DUSP29: variants seen among roughly 807,000 people sequenced by gnomAD.
DUSP29 encodes atypical dual-specific protein phosphatase.
Under a neutral mutation model 13.5 loss-of-function variants are expected in DUSP29, and 12 were observed. The ratio of observed to expected loss-of-function variants is 0.89; its 90% CI spans 0.57 to 1.44. DUSP29 has a LOEUF of 1.44. Ranked by LOEUF, DUSP29 falls within the 40% of genes most tolerant of loss-of-function variation. DUSP29 has a pLI of 0.00. For missense variants in DUSP29, 308 were observed against 301.1 expected, an observed-to-expected ratio of 1.02 and a Z score of -0.17; for synonymous variants, 134 against 128.7, an observed-to-expected ratio of 1.04 and a Z score of -0.28.
At chr10:75,039,566 T>C (rs1846542576) in intron 3 of DUSP29, among the ~76,000 whole-genome samples, 2 of 152,110 alleles carry the variant, frequency 1.3e-5, no homozygotes, top group South Asian at 4.1e-4. Flanking sequence ...AATTGCATGC[T>C]TTTAGGAGTG....
At chr10:75,070,133 GGAAGGAA>G (rs1847300057) in intron 1 of DUSP29, among the ~76,000 whole-genome samples, 1 of 96,784 alleles carries the variant, frequency 1.0e-5, no homozygotes, top group African/African-American at 4.0e-5. Flanking sequence ...AAGGAAGGAA[GGAAGGAA>G]AAGAAAGAAA....
At chr10:75,068,114 T>G (rs1847242534) in intron 1 of DUSP29, among the ~76,000 whole-genome samples, 1 of 152,170 alleles carries the variant, frequency 6.6e-6, no homozygotes, top group African/African-American at 2.4e-5. Context: ...CACCTAGCCT[T>G]CTGCAAGAAA....
rs139591121 is a variant in DUSP29 at position 75,045,732 on chromosome 10, C to T, written c.201-1715G>A. ...GGGCTGGAGCATGGTGGGCCCTGCC[C>T]GCCATAGGAAGGAGTATTATTGCAA... On this transcript the variant is annotated intron_variant, in intron 2 of 3. Coordinates refer to ENST00000338487, the MANE Select transcript of DUSP29 (RefSeq NM_001003892.3). Among the ~76,000 whole-genome samples the T allele has an allele frequency of 7.9e-5, 12 of 152,302 alleles. 1 individual carries two copies. The East Asian group carries it at 2.3e-3, about 29-fold the overall frequency.
intron 2 of DUSP29, among the ~76,000 whole-genome samples, chr10:75,045,194 T>A (rs917798019): frequency 2.0e-5 from 3 of 152,082 alleles, no homozygotes; most frequent in African/African-American, 7.2e-5. Flanking sequence ...CTGTCTCTAC[T>A]AATAATACAA....
At chr10:75,055,980 G>T (rs866520311) in intron 2 of DUSP29, among the ~76,000 whole-genome samples, 7 of 152,066 alleles carry the variant, frequency 4.6e-5, no homozygotes, top group Admixed American at 1.3e-4. Flanking sequence ...CACAATCTTG[G>T]CTCACTGCAG....
intron 3 of DUSP29, 45 bp downstream of exon 3, chr10:75,043,752 C>A (rs1041930267): frequency 8.6e-7 from 1 of 1,166,890 alleles, no homozygotes; most frequent in African/African-American, 3.7e-5. Context: ...CGAGTCGGGG[C>A]GGGGCGGGGC....
At chr10:75,039,237 T>A (rs1589854896) in intron 3 of DUSP29, among the ~76,000 whole-genome samples, 1 of 152,178 alleles carries the variant, frequency 6.6e-6, no homozygotes, top group African/African-American at 2.4e-5. Flanking sequence ...CCACAGTTCA[T>A]CTTTAGGAAC....
intron 3 of DUSP29, among the ~76,000 whole-genome samples, chr10:75,038,340 G>A (rs1475680767): frequency 6.6e-6 from 1 of 152,136 alleles, no homozygotes; most frequent in South Asian, 2.1e-4. Context: ...CTACAGTGTG[G>A]CTGGGCTGCC....
At chr10:75,064,462 C>A (rs1183853008) in intron 1 of DUSP29, among the ~76,000 whole-genome samples, 1 of 152,146 alleles carries the variant, frequency 6.6e-6, no homozygotes, top group Admixed American at 6.5e-5. Context: ...GAACCGAGAT[C>A]GCGCCACTGC....
chr10:75,063,781 C>A (rs1045835526), intron 1 of DUSP29, among the ~76,000 whole-genome samples: 7 of 151,974 alleles, frequency 4.6e-5, no homozygotes, highest in Admixed American at 2.6e-4. Context: ...CAAGGTACAG[C>A]TAATTTAAAA....
At chr10:75,065,401 G>C (rs1233551608) in intron 1 of DUSP29, among the ~76,000 whole-genome samples, 1 of 151,428 alleles carries the variant, frequency 6.6e-6, no homozygotes, top group Non-Finnish European at 1.5e-5. Flanking sequence ...GTCTTGCTCT[G>C]TCACCCAGGC....
Position 75,037,917 on chromosome 10 carries a change from CCGGAGCTG to C in DUSP29, c.574_581del (p.Gln192GlyfsTer19). On this transcript the variant is annotated frameshift_variant, in exon 4 of 4. Coordinates refer to ENST00000338487, the MANE Select transcript of DUSP29 (RefSeq NM_001003892.3). LOFTEE classifies it low-confidence loss of function (END_TRUNC). Reference sequence around the variant, plus strand: ...GCTGCACCAGCTGCTTGTCCAGCTCCCGGAGCTGCTTCAAAAAGCCCCGGTTCGGGAGG... The same window carrying C: ...GCTGCACCAGCTGCTTGTCCAGCTCCCTTCAAAAAGCCCCGGTTCGGGAGG... 1 of 1,613,846 alleles carries C rather than the reference CCGGAGCTG, an allele frequency of 6.2e-7. No homozygotes were observed. The highest frequency in any genetic ancestry group is 8.5e-7 in the Non-Finnish European group (1 of 1,180,032).
intron 1 of DUSP29, among the ~76,000 whole-genome samples, chr10:75,058,798 A>G (rs889511364): frequency 6.6e-6 from 1 of 152,190 alleles, no homozygotes; most frequent in Admixed American, 6.5e-5. Context: ...ACGTGGGCCA[A>G]GGCGGGCTCT....
At chr10:75,067,511 C>T (rs903950608) in intron 1 of DUSP29, among the ~76,000 whole-genome samples, 17 of 152,096 alleles carry the variant, frequency 1.1e-4, no homozygotes, top group Admixed American at 1.3e-4. Context: ...TGGCGGGTCA[C>T]GAGAAGGAAT....
Position 75,055,410 on chromosome 10 carries a change from C to T in DUSP29, c.200+2905G>A, listed in dbSNP as rs574793821. On this transcript the variant is annotated intron_variant, in intron 2 of 3. Transcript: ENST00000338487. Reference sequence around the variant, plus strand: ...CGTGCAAATATCACACAGAGATTGGCAATAAAAAGGAATCAAATACTGATA... The same window carrying T: ...CGTGCAAATATCACACAGAGATTGGTAATAAAAAGGAATCAAATACTGATA... Among the ~76,000 whole-genome samples, 8 of 151,994 alleles carry T rather than the reference C, an allele frequency of 5.3e-5. No individual in the cohort carries two copies. In the South Asian group the frequency reaches 1.7e-3, roughly 32 times the overall value.
In DUSP29 at chr10:75,037,885, C is replaced by A. The variant is rs757469214; in HGVS notation, c.614G>T (p.Arg205Leu). ...ELDKQLVQQR[R>L]RSQRQDGEEE... ...CTCACCGTCCTGGCGCTGGGACCGT[C>A]GCCTCTGCTGCACCAGCTGCTTGTC... The change falls in exon 4 of 4, where the codon CGA becomes CTA. Residue 205 changes from arginine (R) to leucine (L), a missense_variant. By Grantham distance (102) the Arg-to-Leu change is moderately radical. Transcript: ENST00000338487. The A allele has an allele frequency of 6.2e-7, 1 of 1,612,724 alleles. No individual in the cohort carries two copies. Among genetic ancestry groups the A allele is most frequent in the African/African-American group, 1.3e-5 (1 of 74,922 alleles).
chr10:75,071,312 G>C (rs1190644645), intron 1 of DUSP29, among the ~76,000 whole-genome samples: 2 of 152,210 alleles, frequency 1.3e-5, no homozygotes, highest in African/African-American at 4.8e-5. Context: ...CATAGCACAG[G>C]AAACACCGCC....
intron 3 of DUSP29, among the ~76,000 whole-genome samples, chr10:75,042,004 T>C (rs989697415): frequency 6.6e-6 from 1 of 152,278 alleles, no homozygotes; most frequent in East Asian, 1.9e-4. Flanking sequence ...GAATGTCTTT[T>C]TTTTTTCTTT....
intron 3 of DUSP29, among the ~76,000 whole-genome samples, chr10:75,040,453 T>C (rs1427480475): frequency 6.6e-6 from 1 of 152,208 alleles, no homozygotes; most frequent in African/African-American, 2.4e-5. Flanking sequence ...CCTCGGAGGA[T>C]GCCGAATCGG....
Sources: allele counts gnomAD v4.1 joint callset (sites outside exome capture counted in the v4.1 genomes callset), GRCh38; gene constraint gnomAD v4.1.1; transcripts MANE v1.5; gene names NCBI Gene and HGNC (gene_info 2026-07-23, HGNC 2026-07-21).